Variants in RGS8 observed in about 807,000 individuals in gnomAD.
RGS8 encodes regulator of G protein signaling 8.
Under a neutral mutation model 21.7 loss-of-function variants are expected in RGS8, and 8 were observed. That is an observed-to-expected ratio of 0.37 (90% CI 0.22 to 0.66). The LOEUF (loss-of-function observed/expected upper bound fraction) is 0.66. RGS8 is among the 30% of genes least tolerant of loss of function. The pLI, the probability that RGS8 is intolerant of heterozygous loss-of-function variation, is 0.59. For synonymous variants in RGS8, 80 were observed against 83.6 expected, an observed-to-expected ratio of 0.96 and a Z score of 0.24; for missense variants, 157 against 217.9, an observed-to-expected ratio of 0.72 and a Z score of 1.76.
intron 5 of RGS8, among the ~76,000 whole-genome samples, chr1:182,654,221 C>T (rs1001211571): frequency 6.6e-5 from 10 of 152,104 alleles, no homozygotes; most frequent in Non-Finnish European, 1.5e-4. Flanking sequence ...AAGGTCTCTC[C>T]AGATGTGTGT....
intron 1 of RGS8, among the ~76,000 whole-genome samples, chr1:182,680,041 C>T (rs771947165): frequency 2.3e-4 from 35 of 152,186 alleles, no homozygotes; most frequent in Admixed American, 2.1e-3. Context: ...TCCATCCTCG[C>T]TACCACTGCT....
intron 4 of RGS8, among the ~76,000 whole-genome samples, chr1:182,666,532 T>C (rs925790274): frequency 9.9e-5 from 15 of 152,118 alleles, no homozygotes; most frequent in Non-Finnish European, 1.3e-4. Context: ...TCTAAGCATA[T>C]TTTTAGAGTA....
upstream of RGS8, among the ~76,000 whole-genome samples, chr1:182,676,658 A>G (rs551981209): frequency 1.4e-3 from 220 of 152,292 alleles, no homozygotes; most frequent in African/African-American, 4.9e-3. Flanking sequence ...ACGCTGCTCA[A>G]CTCCTCATAA....
At chr1:182,711,049 G>T in the RGS8 span, among the ~76,000 whole-genome samples, 1 of 152,178 alleles carries the variant, frequency 6.6e-6, no homozygotes. Flanking sequence ...ACTTTGCATG[G>T]GATTCCTGAG....
At chr1:182,674,562 A>T (rs533967649), upstream of RGS8, among the ~76,000 whole-genome samples, 219 of 152,336 alleles carry the variant, frequency 1.4e-3, no homozygotes, top group Admixed American at 4.6e-3. Context: ...CCCGCTTACA[A>T]GAGGACACCA....
At chr1:182,667,054 CT>C in intron 3 of RGS8, 81 bp from the exon 5 acceptor site, 1 of 1,168,574 alleles carries the variant, frequency 8.6e-7, no homozygotes, top group Non-Finnish European at 1.3e-6. Flanking sequence ...CCTGGAGCTG[CT>C]GCTACGGGAG....
intron 3 of RGS8, among the ~76,000 whole-genome samples, chr1:182,668,867 T>C (rs2102440331): frequency 6.6e-6 from 1 of 152,318 alleles, no homozygotes; most frequent in East Asian, 1.9e-4. Flanking sequence ...ATTCCATGAA[T>C]TCAAGTTAAG....
chr1:182,733,689 G>C, the RGS8 span: 1 of 152,180 alleles, frequency 6.6e-6, no homozygotes, highest in Non-Finnish European at 1.5e-5. Flanking sequence ...CAAGGTCCAA[G>C]GAAAGAAGGA....
At chr1:182,741,267 A>C in the RGS8 span, among the ~76,000 whole-genome samples, 1 of 118,324 alleles carries the variant, frequency 8.5e-6, no homozygotes, top group African/African-American at 3.4e-5. Flanking sequence ...GCCGGGCAGA[A>C]GCTCCCCTCA....
At chr1:182,673,734 C>G (rs141979724), upstream of RGS8, among the ~76,000 whole-genome samples, 1 of 152,186 alleles carries the variant, frequency 6.6e-6, no homozygotes, top group Non-Finnish European at 1.5e-5. Flanking sequence ...GGGTTTAGAA[C>G]TTAAGCAGAA....
chr1:182,691,932 C>T, the RGS8 span, among the ~76,000 whole-genome samples: 37 of 152,116 alleles, frequency 2.4e-4, no homozygotes, highest in African/African-American at 8.9e-4. Context: ...CCCAAAGGCT[C>T]CTAAATCTAA....
intron 1 of RGS8, among the ~76,000 whole-genome samples, chr1:182,682,049 C>T (rs925483178): frequency 6.6e-6 from 1 of 152,150 alleles, no homozygotes; most frequent in African/African-American, 2.4e-5. Context: ...TTTCTGACAT[C>T]TCTAGAAATG....
the RGS8 span, among the ~76,000 whole-genome samples, chr1:182,745,965 T>C: frequency 6.6e-6 from 1 of 152,220 alleles, no homozygotes; most frequent in Non-Finnish European, 1.5e-5. Flanking sequence ...TTTTCCCACA[T>C]GTACATCACT....
chr1:182,652,832 T>A (rs1293189204), intron 5 of RGS8, among the ~76,000 whole-genome samples: 1 of 152,018 alleles, frequency 6.6e-6, no homozygotes, highest in Non-Finnish European at 1.5e-5. Context: ...AAGAGGCTTC[T>A]TAGCTGACAT....
the RGS8 span, among the ~76,000 whole-genome samples, chr1:182,724,227 T>C: frequency 2.6e-5 from 3 of 117,140 alleles, no homozygotes; most frequent in African/African-American, 6.3e-5. Flanking sequence ...TATATATATA[T>C]ATATATATAT....
chr1:182,643,316 T>TCCCCCCCCC (rs1662551113), downstream of RGS8: 4 of 46,900 alleles, frequency 8.5e-5, no homozygotes, highest in Admixed American at 3.8e-4. Context: ...GTCTCCCCCC[T>TCCCCCCCCC]CCCCCAGCCC....
the RGS8 span, among the ~76,000 whole-genome samples, chr1:182,706,303 A>G: frequency 1.5e-4 from 23 of 152,070 alleles, no homozygotes; most frequent in Middle Eastern, 6.8e-3. Context: ...GATATGTTTT[A>G]TATGTCAGGA....
intron 1 of RGS8, among the ~76,000 whole-genome samples, chr1:182,680,002 T>C (rs1487235268): frequency 6.6e-6 from 1 of 152,032 alleles, no homozygotes; most frequent in Admixed American, 6.5e-5. Context: ...GATTAAATCT[T>C]TCATAGTTTT....
chr1:182,699,393 T>C, the RGS8 span, among the ~76,000 whole-genome samples: 1 of 152,206 alleles, frequency 6.6e-6, no homozygotes, highest in East Asian at 1.9e-4. Flanking sequence ...GACAGGCAGC[T>C]CTTCCCATCT....
Sources: gnomAD v4.1 joint callset for allele counts (sites outside exome capture counted in the v4.1 genomes callset) on GRCh38, gnomAD v4.1.1 for gene constraint, MANE v1.5 for transcripts, NCBI Gene and HGNC (gene_info 2026-07-23, HGNC 2026-07-21) for gene names.